The following MECOM variants were observed in gnomAD, a reference collection of about 807,000 sequenced individuals.
MECOM encodes histone-lysine N-methyltransferase MECOM.
A neutral mutation model predicts 116.3 loss-of-function variants in MECOM; 13 were observed. The ratio of observed to expected loss-of-function variants is 0.11; its 90% CI spans 0.07 to 0.18. MECOM has a LOEUF of 0.18. Ranked by LOEUF, MECOM falls within the 10% of genes least tolerant of loss-of-function variation. MECOM has a pLI of 1.00. For missense variants in MECOM, 1,299 were observed against 1,509.0 expected (o/e 0.86, Z 2.31); for synonymous variants, 528 against 535.2 (o/e 0.99, Z 0.19).
At chr3:169,619,935 C>G (rs1405467358) in intron 1 of MECOM, among the ~76,000 whole-genome samples, 1 of 152,212 alleles carries the variant, frequency 6.6e-6, no homozygotes, top group Non-Finnish European at 1.5e-5. Flanking sequence ...CGGAACCAGC[C>G]CTTCATGTTC....
intron 2 of MECOM, among the ~76,000 whole-genome samples, chr3:169,269,986 GTGT>G (rs1414184498): frequency 1.3e-5 from 2 of 152,094 alleles, no homozygotes; most frequent in African/African-American, 4.8e-5. Context: ...GTGTGTGTGT[GTGT>G]GTAGGTATTT....
At chr3:169,310,490 C>T (rs1210731094) in intron 2 of MECOM, among the ~76,000 whole-genome samples, 1 of 152,160 alleles carries the variant, frequency 6.6e-6, no homozygotes, top group Non-Finnish European at 1.5e-5. Context: ...TTTGGAAAGT[C>T]CCATTAATTC....
chr3:169,429,859 C>G (rs1741320215), intron 1 of MECOM, among the ~76,000 whole-genome samples: 1 of 152,144 alleles, frequency 6.6e-6, no homozygotes, highest in Non-Finnish European at 1.5e-5. Flanking sequence ...AAATCCTCAA[C>G]AACAAAGCAA....
chr3:169,208,207 A>G (rs200876205), intron 2 of MECOM, among the ~76,000 whole-genome samples: 29 of 147,960 alleles, frequency 2.0e-4, no homozygotes, highest in South Asian at 8.5e-4. Context: ...ATATATATAT[A>G]TGTGTGTGTG....
chr3:169,116,640 C>T lies in MECOM; in HGVS notation c.1232G>A (p.Gly411Glu). 12 of 1,614,170 alleles carry T rather than the reference C, an allele frequency of 7.4e-6. No homozygotes were observed. Among genetic ancestry groups the T allele is most frequent in the Non-Finnish European group, 1.0e-5 (12 of 1,180,030 alleles). ...CRTQIKCKDC[G>E]QMFSTTSSLN... is the part of the protein sequence containing the mutation. ...GGAAGACGTAGTGCTGAACATTTGTCCACAGTCTTTGCACTTGATTTGGGT... is the reference window on the plus strand; with the variant it reads ...GGAAGACGTAGTGCTGAACATTTGTTCACAGTCTTTGCACTTGATTTGGGT... Residue 411 changes from glycine to glutamate, a missense_variant, in exon 8 of 17, where the codon GGA becomes GAA. Gly to Glu is a moderately conservative substitution (Grantham distance 98). Around this residue, in one of 6 missense-constraint regions of MECOM, gnomAD observed 42 missense variants for 103.9 expected, o/e 0.40. Transcript: ENST00000651503.
intron 2 of MECOM, among the ~76,000 whole-genome samples, chr3:169,234,590 C>A (rs191728398): frequency 3.3e-5 from 5 of 152,058 alleles, no homozygotes; most frequent in Admixed American, 6.6e-5. Flanking sequence ...TACTAAAGAG[C>A]CTTCAATAAT....
chr3:169,238,673 T>G (rs149695984), intron 2 of MECOM, among the ~76,000 whole-genome samples: 30 of 152,306 alleles, frequency 2.0e-4, no homozygotes, highest in Non-Finnish European at 4.1e-4. Context: ...AAAGTTTGCA[T>G]AAGGCATAAA....
At chr3:169,602,817 G>A (rs1353933021) in intron 1 of MECOM, among the ~76,000 whole-genome samples, 1 of 152,156 alleles carries the variant, frequency 6.6e-6, no homozygotes, top group African/African-American at 2.4e-5. Flanking sequence ...AGCTATGAAA[G>A]TAATCCACAA....
chr3:169,640,418 C>G (rs1773320949), intron 1 of MECOM, among the ~76,000 whole-genome samples: 1 of 152,148 alleles, frequency 6.6e-6, no homozygotes, highest in Non-Finnish European at 1.5e-5. Context: ...ATGACTACTA[C>G]TAAGGTGCTG....
intron 2 of MECOM, among the ~76,000 whole-genome samples, chr3:169,239,709 T>G (rs1314676119): frequency 6.6e-6 from 1 of 152,058 alleles, no homozygotes; most frequent in Non-Finnish European, 1.5e-5. Flanking sequence ...AGAAATTGTA[T>G]TTTTTTCTAA....
chr3:169,322,745 C>G (rs1345947198), intron 2 of MECOM, among the ~76,000 whole-genome samples: 1 of 151,986 alleles, frequency 6.6e-6, no homozygotes. Flanking sequence ...TGCCTGTAAT[C>G]CCAGAACTTT....
chr3:169,607,811 A>G (rs1003070076), intron 1 of MECOM, among the ~76,000 whole-genome samples: 6 of 152,202 alleles, frequency 3.9e-5, no homozygotes, highest in African/African-American at 1.4e-4. Flanking sequence ...ACTATCCCAC[A>G]CATTCATTAA....
intron 2 of MECOM, among the ~76,000 whole-genome samples, chr3:169,306,915 G>A (rs564180937): frequency 1.3e-4 from 20 of 152,184 alleles, no homozygotes; most frequent in African/African-American, 4.6e-4. Context: ...ATATCATATG[G>A]AAGTTGATGA....
intron 1 of MECOM, among the ~76,000 whole-genome samples, chr3:169,512,960 G>C (rs1288737349): frequency 1.3e-5 from 2 of 152,184 alleles, no homozygotes; most frequent in Non-Finnish European, 2.9e-5. Flanking sequence ...ACAAAAATTA[G>C]TGCTTCAATC....
intron 2 of MECOM, among the ~76,000 whole-genome samples, chr3:169,296,897 A>G (rs1715713709): frequency 6.6e-6 from 1 of 152,240 alleles, no homozygotes; most frequent in Admixed American, 6.5e-5. Context: ...CCAGAGGTGT[A>G]AACTATAGCT....
chr3:169,516,777 C>T (rs1356934422), intron 1 of MECOM, among the ~76,000 whole-genome samples: 2 of 152,138 alleles, frequency 1.3e-5, no homozygotes, highest in African/African-American at 2.4e-5. Context: ...TGAGCGTCTT[C>T]CTGGGGAATT....
At chr3:169,539,438 A>C (rs944603913) in intron 1 of MECOM, among the ~76,000 whole-genome samples, 1 of 152,146 alleles carries the variant, frequency 6.6e-6, no homozygotes, top group African/African-American at 2.4e-5. Context: ...CTCCAGGACA[A>C]CTGCTTCTAA....
chr3:169,159,634 A>G (rs549237052), intron 2 of MECOM, among the ~76,000 whole-genome samples: 1 of 152,344 alleles, frequency 6.6e-6, no homozygotes, highest in East Asian at 1.9e-4. Flanking sequence ...GGTGAAGTAT[A>G]TAAAGCACTT....
Position 169,625,034 on chromosome 3 carries a change from GAA to G in MECOM, c.37+38300_37+38301del, listed in dbSNP as rs35241873. On this transcript the variant is annotated intron_variant, in intron 1 of 16. Coordinates refer to ENST00000651503, the MANE Select transcript of MECOM (RefSeq NM_004991.4). ...CTCAGGACAAGGAGATTTGTCCTTG[GAA>G]AAAAAAAAAAAAAGAAAGGAAGAAG... Among the ~76,000 whole-genome samples the G allele has an allele frequency of 1.2e-3, 161 of 134,072 alleles. 1 individual carries two copies. Among genetic ancestry groups the G allele is most frequent in the African/African-American group, 2.3e-3 (84 of 37,288 alleles). 88.0% of individuals were successfully genotyped at this position (134,072 alleles called of 152,430 possible).
Sources: allele counts gnomAD v4.1 joint callset (sites outside exome capture counted in the v4.1 genomes callset), GRCh38; gene constraint gnomAD v4.1.1; regional missense constraint gnomAD v4.1.1; transcripts MANE v1.5; gene names NCBI Gene and HGNC (gene_info 2026-07-23, HGNC 2026-07-21).